The following KIAA0825 variants were observed in gnomAD, a reference collection of about 807,000 sequenced individuals.
The protein encoded by KIAA0825 is KIAA0825, also known as uncharacterized protein KIAA0825.
Under a neutral mutation model 147.6 loss-of-function variants are expected in KIAA0825, and 119 were observed. That is an observed-to-expected ratio of 0.81 (90% CI 0.69 to 0.94). KIAA0825 has a LOEUF of 0.94. Among genes scored for constraint, KIAA0825 ranks in the 40% least tolerant of loss-of-function variants. The pLI, the probability that KIAA0825 is intolerant of heterozygous loss-of-function variation, is 0.00. For synonymous variants in KIAA0825, 470 were observed against 518.1 expected, an observed-to-expected ratio of 0.91 and a Z score of 1.26; for missense variants, 1,381 against 1,472.7, an observed-to-expected ratio of 0.94 and a Z score of 1.02.
At chr5:94,569,360 C>T (rs1286317843) in intron 2 of KIAA0825, 3 of 372,642 alleles carry the variant, frequency 8.1e-6, no homozygotes, top group South Asian at 1.4e-4. Context: ...CCCAACCACA[C>T]CACTAACAAT....
chr5:94,252,454 T>C (rs1421316942), intron 20 of KIAA0825, among the ~76,000 whole-genome samples: 6 of 151,662 alleles, frequency 4.0e-5, no homozygotes, highest in Non-Finnish European at 7.4e-5. Flanking sequence ...TGTGTGGGTG[T>C]GTATATATAT....
chr5:94,528,406 T>C lies in KIAA0825; in HGVS notation c.132-4308A>G, dbSNP rs1161730182. On this transcript the variant is annotated intron_variant, in intron 3 of 20. Transcript: ENST00000682413. The stretch of plus-strand genomic sequence containing the variant: ...CGGATCCCACTACAAAAGTTGAGAA[T>C]GGCTCTTCAATGGTCCAGATGCTTT... 1.3e-5 allele frequency among the ~76,000 whole-genome samples: 2 copies of C among 152,216 alleles called. 1 individual carries two copies. The highest frequency in any genetic ancestry group is 2.9e-5 in the Non-Finnish European group (2 of 68,030).
At chr5:94,445,650 A>T (rs918963225) in intron 13 of KIAA0825, among the ~76,000 whole-genome samples, 1 of 152,218 alleles carries the variant, frequency 6.6e-6, no homozygotes, top group East Asian at 1.9e-4. Flanking sequence ...GCTGTTTCCT[A>T]TCATCACATT....
intron 5 of KIAA0825, among the ~76,000 whole-genome samples, chr5:94,496,934 C>T (rs1171461733): frequency 6.6e-6 from 1 of 152,182 alleles, no homozygotes; most frequent in Non-Finnish European, 1.5e-5. Context: ...TATATGTGAG[C>T]CCCTGATAAA....
intron 1 of KIAA0825, chr5:94,593,905 A>G (rs980141414): frequency 5.5e-5 from 23 of 420,622 alleles, no homozygotes; most frequent in Admixed American, 2.5e-4. Context: ...ATTTGGACGA[A>G]GTGGGAATAT....
intron 20 of KIAA0825, among the ~76,000 whole-genome samples, chr5:94,194,614 G>T (rs1455770577): frequency 2.6e-5 from 4 of 152,150 alleles, no homozygotes; most frequent in Admixed American, 2.0e-4. Flanking sequence ...GGCCGCAGAG[G>T]GACAGTCTGG....
rs574750637 is a variant in KIAA0825, at chr5:94,256,814, C to A, written c.3711-102690G>T. On this transcript the variant is annotated intron_variant, in intron 20 of 20. Transcript: ENST00000682413. ...GATACGTATGTTACATGTTTCTAGG[C>A]AGAGCTCTTCTTAGAACTTCAAAGG... Among the ~76,000 whole-genome samples, 29 of 152,164 alleles carry A rather than the reference C, an allele frequency of 1.9e-4. No homozygotes were observed. The East Asian group carries it at 5.4e-3, about 28-fold the overall frequency.
chr5:94,192,744 C>T (rs1413150205), intron 20 of KIAA0825, among the ~76,000 whole-genome samples: 1 of 152,116 alleles, frequency 6.6e-6, no homozygotes, highest in African/African-American at 2.4e-5. Flanking sequence ...TGGACAAACA[C>T]AATTGGGTAT....
intron 1 of KIAA0825, among the ~76,000 whole-genome samples, chr5:94,599,335 T>G: frequency 6.7e-6 from 1 of 149,446 alleles, no homozygotes; most frequent in Admixed American, 6.6e-5. Context: ...ATTTGGGTTT[T>G]TTTTTTTTTT....
At chr5:94,353,912 A>G (rs1175655861) in intron 20 of KIAA0825, among the ~76,000 whole-genome samples, 1 of 152,198 alleles carries the variant, frequency 6.6e-6, no homozygotes, top group Non-Finnish European at 1.5e-5. Flanking sequence ...TCATTATATT[A>G]TTATTTACTT....
chr5:94,164,080 T>C (rs1006246411), intron 20 of KIAA0825, among the ~76,000 whole-genome samples: 2 of 152,230 alleles, frequency 1.3e-5, no homozygotes, highest in Non-Finnish European at 2.9e-5. Flanking sequence ...TGTAATTAAC[T>C]TGCTTATTTA....
chr5:94,535,936 T>C (rs944161319), intron 3 of KIAA0825, among the ~76,000 whole-genome samples: 1 of 152,210 alleles, frequency 6.6e-6, no homozygotes, highest in Non-Finnish European at 1.5e-5. Context: ...TAACATGTAA[T>C]GTAATGGGCT....
rs1192990247 is a variant in KIAA0825 at position 94,396,463 on chromosome 5, C to A, written c.2934G>T (p.Lys978Asn). The A allele has an allele frequency of 6.5e-7, 1 of 1,532,730 alleles. No individual in the cohort carries two copies. The highest frequency in any genetic ancestry group is 8.8e-7 in the Non-Finnish European group (1 of 1,138,958). 94.9% of individuals were successfully genotyped at this position (1,532,730 alleles called of 1,614,324 possible). A position where few individuals can be genotyped will look rare whatever the true frequency, so the allele number is the denominator to read the frequency against. The change falls in exon 17 of 21, where the codon AAG becomes AAT. Residue 978 changes from lysine to asparagine, a missense_variant. Physicochemically the swap from Lys to Asn is moderately conservative, Grantham distance 94. Transcript: ENST00000682413. The part of the protein sequence containing the change: ...TAQAVSIVIS[K>N]LPTVIACLPP... Reference sequence around the variant, plus strand: ...GCAAACATGCAATCACCGTAGGTAACTTGCTGATTACAATAGATACTGCCT... The same window carrying A: ...GCAAACATGCAATCACCGTAGGTAAATTGCTGATTACAATAGATACTGCCT...
At chr5:94,500,154 C>G (rs1195895569) in intron 5 of KIAA0825, among the ~76,000 whole-genome samples, 1 of 151,980 alleles carries the variant, frequency 6.6e-6, no homozygotes, top group Non-Finnish European at 1.5e-5. Context: ...GGTGCTAGGT[C>G]AAGGAAGGCT....
intron 20 of KIAA0825, among the ~76,000 whole-genome samples, chr5:94,156,130 T>C (rs1181365329): frequency 6.6e-6 from 1 of 152,224 alleles, no homozygotes; most frequent in Non-Finnish European, 1.5e-5. Flanking sequence ...TAAAAAGTTA[T>C]TATTGCTGTT....
intron 2 of KIAA0825, chr5:94,568,179 T>C (rs1779108617): frequency 6.2e-6 from 1 of 160,700 alleles, no homozygotes; most frequent in Non-Finnish European, 1.4e-5. Flanking sequence ...ATTCATAACC[T>C]CAACAATGAA....
At chr5:94,195,475 G>A (rs969887316) in intron 20 of KIAA0825, among the ~76,000 whole-genome samples, 1 of 152,188 alleles carries the variant, frequency 6.6e-6, no homozygotes, top group Non-Finnish European at 1.5e-5. Context: ...TTGTCTGTGT[G>A]TGTGCAATTA....
At chr5:94,440,228 CCT>C (rs967181799) in intron 13 of KIAA0825, 107 bp from the exon 14 acceptor site, 2 of 1,118,700 alleles carry the variant, frequency 1.8e-6, no homozygotes, top group African/African-American at 3.2e-5. Flanking sequence ...TCAATTCCTC[CCT>C]GATTACTCTG....
intron 5 of KIAA0825, among the ~76,000 whole-genome samples, chr5:94,498,307 C>T (rs1764618690): frequency 6.6e-6 from 1 of 152,114 alleles, no homozygotes; most frequent in Non-Finnish European, 1.5e-5. Flanking sequence ...ATCCCTGGGC[C>T]AATCAGAAGC....
Sources: gnomAD v4.1 joint callset for allele counts (sites outside exome capture counted in the v4.1 genomes callset) on GRCh38, gnomAD v4.1.1 for gene constraint, MANE v1.5 for transcripts, NCBI Gene and HGNC (gene_info 2026-07-23, HGNC 2026-07-21) for gene names.